GPR39: variants seen among roughly 807,000 people sequenced by gnomAD.
GPR39 encodes the protein G protein-coupled receptor 39.
In GPR39, 23 loss-of-function variants were observed where a neutral mutation model predicts 18.4. That is an observed-to-expected ratio of 1.25 (90% CI 0.90 to 1.77). The LOEUF (loss-of-function observed/expected upper bound fraction) is 1.77. Ranked by LOEUF, GPR39 falls within the 40% of genes most tolerant of loss-of-function variation. The pLI is 0.00. For missense variants in GPR39, 647 were observed against 602.4 expected, an observed-to-expected ratio of 1.07 and a Z score of -0.78; for synonymous variants, 280 against 257.9, an observed-to-expected ratio of 1.09 and a Z score of -0.82.
At chr2:132,519,838 G>T (rs1558824416) in intron 1 of GPR39, among the ~76,000 whole-genome samples, 1 of 152,158 alleles carries the variant, frequency 6.6e-6, no homozygotes, top group Non-Finnish European at 1.5e-5. Context: ...GTAGCTATCA[G>T]ATTCCTGACT....
chr2:132,504,805 A>G (rs925874773), intron 1 of GPR39, among the ~76,000 whole-genome samples: 3 of 152,222 alleles, frequency 2.0e-5, no homozygotes, highest in Admixed American at 6.5e-5. Flanking sequence ...TTTTGAATTC[A>G]TTTGTTGAAA....
At chr2:132,597,001 T>C (rs1045851764) in intron 1 of GPR39, among the ~76,000 whole-genome samples, 3 of 152,206 alleles carry the variant, frequency 2.0e-5, no homozygotes, top group African/African-American at 7.2e-5. Flanking sequence ...GCATTTTCCT[T>C]GTGTCAGTTC....
At chr2:132,482,955 A>G (rs879715260) in intron 1 of GPR39, among the ~76,000 whole-genome samples, 3 of 152,208 alleles carry the variant, frequency 2.0e-5, no homozygotes, top group Non-Finnish European at 2.9e-5. Context: ...AAGTACCACA[A>G]TAATATCCCT....
At chr2:132,614,988 T>C (rs1259167758) in intron 1 of GPR39, among the ~76,000 whole-genome samples, 3 of 152,204 alleles carry the variant, frequency 2.0e-5, no homozygotes, top group Admixed American at 2.0e-4. Context: ...AAAGTTTGGT[T>C]TCCATCTGAG....
intron 1 of GPR39, among the ~76,000 whole-genome samples, chr2:132,496,935 G>A (rs767423557): frequency 1.2e-4 from 18 of 152,230 alleles, no homozygotes; most frequent in Non-Finnish European, 2.4e-4. Context: ...AGGGAAAGAT[G>A]CTGATTTCCA....
intron 1 of GPR39, among the ~76,000 whole-genome samples, chr2:132,610,777 C>CAAAAAAAAAAA (rs34611787): frequency 3.4e-5 from 3 of 88,726 alleles, no homozygotes; most frequent in African/African-American, 1.4e-4. Context: ...ACTCTGTCTC[C>CAAAAAAAAAAA]AAAAAAAAAA....
chr2:132,425,195 A>G lies in GPR39; in HGVS notation c.856+7297A>G, dbSNP rs141377694. ...TATCTCAGTGCCTCCCACTTCTTCC[A>G]TGAAGCCTTCCTGGACTACGACAGC... is the stretch of plus-strand genomic sequence containing the variant. On this transcript the variant is annotated intron_variant, in intron 1 of 1. Transcript: ENST00000329321. Among the ~76,000 whole-genome samples, 12 of 152,176 alleles carry G rather than the reference A, an allele frequency of 7.9e-5. 1 individual carries two copies. Among genetic ancestry groups the G allele is most frequent in the Admixed American group, 7.2e-4 (11 of 15,276 alleles).
At chr2:132,440,961 C>T (rs1264039733) in intron 1 of GPR39, among the ~76,000 whole-genome samples, 1 of 152,154 alleles carries the variant, frequency 6.6e-6, no homozygotes, top group Non-Finnish European at 1.5e-5. Context: ...GCCTGAAGGA[C>T]ACGCTCTTCT....
At chr2:132,492,812 C>G (rs1359086008) in intron 1 of GPR39, among the ~76,000 whole-genome samples, 1 of 136,530 alleles carries the variant, frequency 7.3e-6, no homozygotes, top group African/African-American at 2.7e-5. Flanking sequence ...CATATATATA[C>G]ATACCATATA....
chr2:132,500,374 A>T (rs938825184), intron 1 of GPR39, among the ~76,000 whole-genome samples: 7 of 152,202 alleles, frequency 4.6e-5, no homozygotes, highest in African/African-American at 1.7e-4. Context: ...TATGTGGTGT[A>T]TCACACTTAT....
chr2:132,608,434 C>T (rs1681179609), intron 1 of GPR39, among the ~76,000 whole-genome samples: 1 of 152,196 alleles, frequency 6.6e-6, no homozygotes, highest in Non-Finnish European at 1.5e-5. Context: ...CAGCTCCTTG[C>T]TGTCGGGATC....
chr2:132,519,949 A>G (rs1474389567), intron 1 of GPR39, among the ~76,000 whole-genome samples: 1 of 152,174 alleles, frequency 6.6e-6, no homozygotes, highest in Admixed American at 6.5e-5. Flanking sequence ...ACTCACTGCT[A>G]AAAGCACTTC....
intron 1 of GPR39, among the ~76,000 whole-genome samples, chr2:132,631,910 C>T (rs1249948823): frequency 6.6e-6 from 1 of 151,408 alleles, no homozygotes; most frequent in African/African-American, 2.4e-5. Context: ...GCAACCTCTG[C>T]CTCCTGGTTT....
chr2:132,494,491 T>C (rs1414694248), intron 1 of GPR39, among the ~76,000 whole-genome samples: 1 of 152,160 alleles, frequency 6.6e-6, no homozygotes, highest in East Asian at 1.9e-4. Flanking sequence ...ACACAAGGCT[T>C]CTATTATGGG....
chr2:132,587,360 G>A (rs1247511537), intron 1 of GPR39, among the ~76,000 whole-genome samples: 1 of 152,160 alleles, frequency 6.6e-6, no homozygotes, highest in Non-Finnish European at 1.5e-5. Flanking sequence ...TGTCATAATA[G>A]GCCAAGAACC....
chr2:132,455,731 G>A (rs1227146664), intron 1 of GPR39, among the ~76,000 whole-genome samples: 1 of 152,056 alleles, frequency 6.6e-6, no homozygotes, highest in Non-Finnish European at 1.5e-5. Context: ...CGTTCATTTT[G>A]TTATGTACCC....
chr2:132,464,351 G>A (rs1310285865), intron 1 of GPR39, among the ~76,000 whole-genome samples: 1 of 152,198 alleles, frequency 6.6e-6, no homozygotes, highest in African/African-American at 2.4e-5. Context: ...TCGTGTGCAG[G>A]ATTGGCCTAT....
At chr2:132,629,292 A>T (rs1474153453) in intron 1 of GPR39, among the ~76,000 whole-genome samples, 1 of 152,202 alleles carries the variant, frequency 6.6e-6, no homozygotes, top group African/African-American at 2.4e-5. Flanking sequence ...TCCTGACCAC[A>T]GGTCTAAGAT....
chr2:132,500,936 A>G (rs1372686945), intron 1 of GPR39, among the ~76,000 whole-genome samples: 1 of 149,736 alleles, frequency 6.7e-6, no homozygotes, highest in Non-Finnish European at 1.5e-5. Context: ...CTCTTGTTTT[A>G]TTTCTAATTG....
Sources: allele counts gnomAD v4.1 joint callset (sites outside exome capture counted in the v4.1 genomes callset), GRCh38; gene constraint gnomAD v4.1.1; transcripts MANE v1.5; gene names NCBI Gene and HGNC (gene_info 2026-07-23, HGNC 2026-07-21).